Variants in L3MBTL4 observed in about 807,000 individuals in gnomAD.
The protein encoded by L3MBTL4 is L3MBTL histone methyl-lysine binding protein 4.
In L3MBTL4, 70 loss-of-function variants were observed where a neutral mutation model predicts 84.5. That is an observed-to-expected ratio of 0.83 (90% CI 0.68 to 1.01). The LOEUF (loss-of-function observed/expected upper bound fraction) is 1.01. Ranked by LOEUF, L3MBTL4 falls within the 50% of genes least tolerant of loss-of-function variation. The pLI, the probability that L3MBTL4 is intolerant of heterozygous loss-of-function variation, is 0.00. For missense variants in L3MBTL4, 715 were observed against 754.8 expected (o/e 0.95, Z 0.62); for synonymous variants, 274 against 259.8 (o/e 1.05, Z -0.52).
intron 16 of L3MBTL4, among the ~76,000 whole-genome samples, chr18:6,062,160 C>T (rs1251523979): frequency 6.6e-6 from 1 of 151,962 alleles, no homozygotes; most frequent in Non-Finnish European, 1.5e-5. Flanking sequence ...TCTTGCAAGG[C>T]AGTTCTACTG....
At chr18:6,303,288 T>C (rs2050425711) in intron 3 of L3MBTL4, among the ~76,000 whole-genome samples, 1 of 152,002 alleles carries the variant, frequency 6.6e-6, no homozygotes, top group Admixed American at 6.6e-5. Context: ...ACTCGGCTAA[T>C]TTTTGTATTT....
intron 1 of L3MBTL4, among the ~76,000 whole-genome samples, chr18:6,339,116 A>G (rs968765561): frequency 6.6e-6 from 1 of 152,180 alleles, no homozygotes. Context: ...CCGCCGACCC[A>G]AACATCATAT....
chr18:6,264,026 G>A lies in L3MBTL4; in HGVS notation c.140C>T (p.Ala47Val), dbSNP rs1184860199. The A allele has an allele frequency of 2.5e-6, 4 of 1,612,338 alleles. No homozygotes were observed. The South Asian group carries it at 4.4e-5, about 18-fold the overall frequency. ...TTPLSHVPSA[A>V]AQGAWSWEWY... ...CTCCCAAGACCATGCTCCCTGTGCA[G>A]CCGCTGAAGGGACTGGAAGAGAAAA... Residue 47 changes from alanine (A) to valine (V), a missense_variant, in exon 5 of 19, where the codon GCT becomes GTT. Coordinates refer to ENST00000317931, the MANE Select transcript of L3MBTL4 (RefSeq NM_001330559.2).
At position 5,960,166 on chromosome 18, in the gene L3MBTL4, G is replaced by A. The variant is rs505559; in HGVS notation, c.1615-10C>T. ...GTACAAACTCAGCCACCTACAGTGC[G>A]AGATGAAAAGCCTAATTTAATACAT... is the stretch of plus-strand genomic sequence containing the variant. On this transcript the variant is annotated splice_polypyrimidine_tract_variant and intron_variant, in intron 17 of 18. Transcript: ENST00000317931. 0.53 allele frequency: 825,206 copies of A among 1,559,444 alleles called. 232,596 individuals carry two copies. The highest frequency in any genetic ancestry group is 0.94 in the East Asian group (41,738 of 44,368).
At chr18:5,990,770 GGTGTGTGTGTGT>G (rs34551806) in intron 16 of L3MBTL4, among the ~76,000 whole-genome samples, 2 of 142,288 alleles carry the variant, frequency 1.4e-5, no homozygotes, top group African/African-American at 5.3e-5. Flanking sequence ...GGTTCATGTG[GGTGTGTGTGTGT>G]GTGTGTGTGT....
chr18:5,977,354 T>C (rs772246763), intron 16 of L3MBTL4, among the ~76,000 whole-genome samples: 53 of 152,120 alleles, frequency 3.5e-4, no homozygotes, highest in Non-Finnish European at 6.2e-4. Context: ...CACATCTCTG[T>C]CTCCTTCCTT....
At chr18:6,386,832 A>G (rs1400868574) in intron 1 of L3MBTL4, among the ~76,000 whole-genome samples, 3 of 152,232 alleles carry the variant, frequency 2.0e-5, no homozygotes, top group Non-Finnish European at 2.9e-5. Context: ...AGATCCTGGA[A>G]CAGACTTTCA....
intron 4 of L3MBTL4, among the ~76,000 whole-genome samples, chr18:6,290,974 G>A (rs1303212468): frequency 6.6e-6 from 1 of 152,088 alleles, no homozygotes; most frequent in Admixed American, 6.5e-5. Flanking sequence ...TAAATTTTAA[G>A]GAACAAGTCT....
At chr18:6,343,539 G>C (rs2052716468) in intron 1 of L3MBTL4, among the ~76,000 whole-genome samples, 1 of 151,792 alleles carries the variant, frequency 6.6e-6, no homozygotes, top group Non-Finnish European at 1.5e-5. Flanking sequence ...GTGGGCACCT[G>C]TAGTCCCAGC....
intron 1 of L3MBTL4, among the ~76,000 whole-genome samples, chr18:6,312,769 A>C (rs1178449125): frequency 6.6e-6 from 1 of 152,166 alleles, no homozygotes; most frequent in Non-Finnish European, 1.5e-5. Context: ...TAATTTACTA[A>C]ACATTTATTG....
chr18:6,063,180 T>C (rs903084371), intron 16 of L3MBTL4, among the ~76,000 whole-genome samples: 14 of 152,100 alleles, frequency 9.2e-5, no homozygotes, highest in African/African-American at 3.4e-4. Context: ...TCTTTCTTTT[T>C]ATGGCTGAGT....
At chr18:6,068,115 G>C (rs1166853177) in intron 16 of L3MBTL4, among the ~76,000 whole-genome samples, 1 of 152,134 alleles carries the variant, frequency 6.6e-6, no homozygotes, top group Admixed American at 6.5e-5. Flanking sequence ...CCAGACGCTG[G>C]TTGCAGTAAC....
intron 4 of L3MBTL4, 134 bp from the exon 5 acceptor site, chr18:6,264,172 G>A (rs1179777100): frequency 6.2e-6 from 4 of 646,306 alleles, no homozygotes; most frequent in Non-Finnish European, 8.2e-6. Flanking sequence ...ACTAAGAAGA[G>A]TCTTCTCTCT....
At chr18:5,997,615 C>T (rs993290586) in intron 16 of L3MBTL4, among the ~76,000 whole-genome samples, 1 of 152,116 alleles carries the variant, frequency 6.6e-6, no homozygotes, top group Non-Finnish European at 1.5e-5. Flanking sequence ...CCCTCCCCCA[C>T]CTTGAGTTGT....
At chr18:6,254,333 G>A (rs1346940415) in intron 5 of L3MBTL4, among the ~76,000 whole-genome samples, 1 of 150,120 alleles carries the variant, frequency 6.7e-6, no homozygotes, top group African/African-American at 2.4e-5. Context: ...GAACACAGCA[G>A]TTCACTGCAG....
intron 10 of L3MBTL4, among the ~76,000 whole-genome samples, chr18:6,231,468 T>C (rs1270361375): frequency 6.6e-6 from 1 of 152,168 alleles, no homozygotes; most frequent in Non-Finnish European, 1.5e-5. Flanking sequence ...CCATGCTGTT[T>C]TGGTTACAGT....
chr18:6,085,117 A>C (rs2058215869), intron 15 of L3MBTL4, among the ~76,000 whole-genome samples: 1 of 152,232 alleles, frequency 6.6e-6, no homozygotes, highest in Non-Finnish European at 1.5e-5. Context: ...TGCAAATAAA[A>C]AGTAATGAAC....
intron 1 of L3MBTL4, among the ~76,000 whole-genome samples, chr18:6,357,596 T>C (rs2053502713): frequency 6.6e-6 from 1 of 152,170 alleles, no homozygotes; most frequent in African/African-American, 2.4e-5. Context: ...TAAATCACTC[T>C]CATCAAGACA....
At chr18:6,044,643 G>A (rs967900968) in intron 16 of L3MBTL4, among the ~76,000 whole-genome samples, 7 of 152,020 alleles carry the variant, frequency 4.6e-5, no homozygotes, top group Admixed American at 2.0e-4. Context: ...GAAAAAGAAA[G>A]GGGAAAACAG....
Sources: allele counts gnomAD v4.1 joint callset (sites outside exome capture counted in the v4.1 genomes callset), GRCh38; gene constraint gnomAD v4.1.1; transcripts MANE v1.5; gene names NCBI Gene and HGNC (gene_info 2026-07-23, HGNC 2026-07-21).